Variants in RORA observed in about 807,000 individuals in gnomAD.
RORA encodes the protein nuclear receptor ROR-alpha.
Under a neutral mutation model 69.5 loss-of-function variants are expected in RORA, and 7 were observed. That is an observed-to-expected ratio of 0.10 (90% CI 0.06 to 0.19). The LOEUF (loss-of-function observed/expected upper bound fraction) is 0.19, where lower values mean the gene tolerates loss of function less well. RORA is among the 10% of genes least tolerant of loss of function. The pLI, the probability that RORA is intolerant of heterozygous loss-of-function variation, is 1.00. For synonymous variants in RORA, 261 were observed against 240.8 expected, an observed-to-expected ratio of 1.08 and a Z score of -0.78; for missense variants, 457 against 663.0, an observed-to-expected ratio of 0.69 and a Z score of 3.41.
intron 1 of RORA, among the ~76,000 whole-genome samples, chr15:60,713,102 C>T (rs564359915): frequency 6.6e-6 from 1 of 152,246 alleles, no homozygotes; most frequent in Admixed American, 6.5e-5. Context: ...AAAGATCATA[C>T]CAAATTGTTC....
At position 60,678,697 on chromosome 15, in the gene RORA, A is replaced by T. The variant is rs761459533; in HGVS notation, c.167-11T>A. 1.2e-6 allele frequency: 2 copies of T among 1,610,242 alleles called. No individual in the cohort carries two copies. The highest frequency in any genetic ancestry group is 1.7e-5 in the Admixed American group (1 of 60,012). On this transcript the variant is annotated splice_polypyrimidine_tract_variant and intron_variant, in intron 1 of 10. Coordinates refer to ENST00000335670, the MANE Select transcript of RORA (RefSeq NM_134261.3). ...TCGTTACTGAGATACCTGGAAGAGAAGAAACAATAACATAGGTTAGAAAGT... is the reference window on the plus strand; with the variant it reads ...TCGTTACTGAGATACCTGGAAGAGATGAAACAATAACATAGGTTAGAAAGT...
At chr15:60,516,250 T>A (rs551224690) in intron 3 of RORA, among the ~76,000 whole-genome samples, 2,731 of 80,576 alleles carry the variant, frequency 0.034, 344 homozygotes, top group African/African-American at 0.15. Flanking sequence ...TATATATATT[T>A]ATATATATAT....
chr15:60,872,109 G>T (rs1379961918), intron 1 of RORA, among the ~76,000 whole-genome samples: 2 of 150,476 alleles, frequency 1.3e-5, no homozygotes. Flanking sequence ...AAGCAAGTGT[G>T]CCATAGCAAA....
intron 1 of RORA, among the ~76,000 whole-genome samples, chr15:60,925,072 C>G (rs901855808): frequency 5.3e-5 from 8 of 149,632 alleles, no homozygotes; most frequent in African/African-American, 2.0e-4. Context: ...GAGCAAGCTT[C>G]TGTCTCAAAA....
chr15:61,026,838 T>C (rs935639488), intron 1 of RORA, among the ~76,000 whole-genome samples: 11 of 152,180 alleles, frequency 7.2e-5, no homozygotes, highest in Admixed American at 7.2e-4. Context: ...AGGTGGCACC[T>C]CTGAACAATG....
chr15:60,687,307 T>A (rs1314356613), intron 1 of RORA, among the ~76,000 whole-genome samples: 10 of 152,128 alleles, frequency 6.6e-5, no homozygotes, highest in Admixed American at 1.3e-4. Flanking sequence ...CATAAAGAAT[T>A]TTTTAGAGTA....
At chr15:61,102,752 T>C (rs1308487840) in intron 1 of RORA, among the ~76,000 whole-genome samples, 1 of 152,216 alleles carries the variant, frequency 6.6e-6, no homozygotes, top group Non-Finnish European at 1.5e-5. Context: ...CTAGTTTTTC[T>C]TTCTTTAACA....
At chr15:61,127,773 C>T (rs777933877) in intron 1 of RORA, among the ~76,000 whole-genome samples, 2 of 152,152 alleles carry the variant, frequency 1.3e-5, no homozygotes. Flanking sequence ...ATCATTAACA[C>T]GGGCCATCCA....
In RORA at chr15:60,990,066, T is replaced by C. The variant is rs138360487; in HGVS notation, c.166+238987A>G. ...CACTAATTTGAACTCATGGATCCAA[T>C]AGTTTCATTTGGTTCATGCTGAGAT... is the stretch of plus-strand genomic sequence containing the variant. On this transcript the variant is annotated intron_variant, in intron 1 of 10. Transcript: ENST00000335670. 2.8e-3 allele frequency among the ~76,000 whole-genome samples: 432 copies of C among 152,316 alleles called. 6 individuals carry two copies. Among genetic ancestry groups the C allele is most frequent in the African/African-American group, 9.8e-3 (407 of 41,576 alleles).
Position 61,147,298 on chromosome 15 carries a change from T to C in RORA, c.166+81755A>G, listed in dbSNP as rs888443224. On this transcript the variant is annotated intron_variant, in intron 1 of 10. Transcript: ENST00000335670. This position sits in a 1 kb window ranked among gnomAD's most constrained non-coding sequence, Gnocchi z 4.1. ...GCTCAGATGCCAGACAGCCACGACT[T>C]TGGCCCTCTGTGGTGCCTGGCCAGT... Among the ~76,000 whole-genome samples, 1 of 152,188 alleles carries C rather than the reference T, an allele frequency of 6.6e-6. No individual in the cohort carries two copies. Among genetic ancestry groups the C allele is most frequent in the Non-Finnish European group, 1.5e-5 (1 of 68,016 alleles).
rs559520788 is a variant in RORA, at chr15:61,205,422, C to T, written c.166+23631G>A. On this transcript the variant is annotated intron_variant, in intron 1 of 10. Transcript: ENST00000335670. ...GCACACGCCTCTGCCAAGCCACAGT[C>T]GCAGGTTGTTCTCAACAATTGGTTA... Among the ~76,000 whole-genome samples the T allele has an allele frequency of 2.6e-5, 4 of 152,292 alleles. No individual in the cohort carries two copies. The East Asian group carries it at 7.7e-4, about 29-fold the overall frequency.
Position 60,533,822 on chromosome 15 carries a change from C to T in RORA, c.197-1971G>A, listed in dbSNP as rs202024164. 3.3e-5 allele frequency among the ~76,000 whole-genome samples: 5 copies of T among 152,296 alleles called. No homozygotes were observed. The East Asian group carries it at 9.7e-4, about 29-fold the overall frequency. On this transcript the variant is annotated intron_variant, in intron 2 of 10. Coordinates refer to ENST00000335670, the MANE Select transcript of RORA (RefSeq NM_134261.3). Reference sequence around the variant, plus strand: ...GAATTTATACATGAAATGAAGAAGACCTACTTGGAGCTGCTTCTGTCCATG... The same window carrying T: ...GAATTTATACATGAAATGAAGAAGATCTACTTGGAGCTGCTTCTGTCCATG...
intron 2 of RORA, chr15:60,547,740 G>C (rs576416824): frequency 6.6e-6 from 1 of 151,822 alleles, no homozygotes; most frequent in South Asian, 2.1e-4. Context: ...GGAGAACTAT[G>C]GCCACTATGG....
chr15:60,631,711 C>G (rs943237671), intron 2 of RORA, among the ~76,000 whole-genome samples: 2 of 152,144 alleles, frequency 1.3e-5, no homozygotes, highest in Non-Finnish European at 2.9e-5. Flanking sequence ...GTGTGCTGTC[C>G]GCATGCCCAG....
At chr15:61,170,816 G>A (rs114059678) in intron 1 of RORA, among the ~76,000 whole-genome samples, 13 of 152,272 alleles carry the variant, frequency 8.5e-5, no homozygotes, top group African/African-American at 3.1e-4. Context: ...TTGAATGAAA[G>A]CAAATGGAAG....
chr15:61,062,634 T>C (rs181803908), intron 1 of RORA, among the ~76,000 whole-genome samples: 42 of 152,304 alleles, frequency 2.8e-4, no homozygotes, highest in African/African-American at 9.6e-4. Context: ...CCTTCAGGAC[T>C]CTCTGGGAGC....
chr15:61,121,608 G>A (rs536985251), intron 1 of RORA, among the ~76,000 whole-genome samples: 2 of 152,236 alleles, frequency 1.3e-5, no homozygotes, highest in Admixed American at 1.3e-4. Flanking sequence ...GTCATGGCGA[G>A]GGCAAGAAGA....
chr15:60,721,950 G>A (rs1445621380), intron 1 of RORA, among the ~76,000 whole-genome samples: 1 of 152,184 alleles, frequency 6.6e-6, no homozygotes, highest in Non-Finnish European at 1.5e-5. Context: ...CAACCCTTTA[G>A]AAACACATCA....
At chr15:61,227,337 C>A (rs2080155863) in intron 1 of RORA, among the ~76,000 whole-genome samples, 1 of 152,100 alleles carries the variant, frequency 6.6e-6, no homozygotes, top group African/African-American at 2.4e-5. Flanking sequence ...CTCTTTGCAG[C>A]CAAAAGCTCC....
Sources: allele counts gnomAD v4.1 joint callset (sites outside exome capture counted in the v4.1 genomes callset), GRCh38; gene constraint gnomAD v4.1.1; non-coding constraint Gnocchi (gnomAD v3.1); transcripts MANE v1.5; gene names NCBI Gene and HGNC (gene_info 2026-07-23, HGNC 2026-07-21).